Variants in INSR observed in about 807,000 individuals in gnomAD.
INSR encodes insulin receptor, also known as IR.
Under a neutral mutation model 142.6 loss-of-function variants are expected in INSR, and 67 were observed. That is an observed-to-expected ratio of 0.47 (90% CI 0.39 to 0.58). The LOEUF is 0.58. Ranked by LOEUF, INSR falls within the 20% of genes least tolerant of loss-of-function variation. The probability of loss-of-function intolerance (pLI) is 0.00; values close to 1 mark genes in which losing one functional copy is unlikely to be tolerated. For synonymous variants in INSR, 756 were observed against 743.1 expected (o/e 1.02, Z -0.28); for missense variants, 1,248 against 1,833.2 (o/e 0.68, Z 5.83).
In INSR at chr19:7,133,655, A is replaced by G. The variant is rs371484713; in HGVS notation, c.2683-1338T>C. ...GGTGGGCGGATCACCTGAGGTCAGG[A>G]GTTCGAGACCAGCCTGGTCAAGATG... On this transcript the variant is annotated intron_variant, in intron 13 of 21. Coordinates refer to ENST00000302850, the MANE Select transcript of INSR (RefSeq NM_000208.4). Among the ~76,000 whole-genome samples the G allele has an allele frequency of 2.6e-5, 4 of 152,306 alleles. No homozygotes were observed. The East Asian group carries it at 7.7e-4, about 29-fold the overall frequency.
chr19:7,249,801 G>T (rs376774128), intron 2 of INSR, among the ~76,000 whole-genome samples: 8 of 152,110 alleles, frequency 5.3e-5, no homozygotes, highest in African/African-American at 1.9e-4. Flanking sequence ...GACCATCCTG[G>T]CTAACAGGGT....
chr19:7,218,808 T>G (rs1004307137), intron 2 of INSR, among the ~76,000 whole-genome samples: 4 of 152,156 alleles, frequency 2.6e-5, no homozygotes, highest in Non-Finnish European at 4.4e-5. Flanking sequence ...CCTCCCAAAG[T>G]GCTGAGATTA....
At chr19:7,210,116 G>A (rs546840957) in intron 2 of INSR, among the ~76,000 whole-genome samples, 5 of 151,996 alleles carry the variant, frequency 3.3e-5, no homozygotes, top group Middle Eastern at 3.4e-3. Flanking sequence ...AGGCCGAGGC[G>A]GGTGGATCAC....
intron 1 of INSR, among the ~76,000 whole-genome samples, chr19:7,282,092 C>A (rs1177775017): frequency 2.0e-5 from 3 of 152,134 alleles, no homozygotes; most frequent in Non-Finnish European, 4.4e-5. Context: ...CGGCGGGGCA[C>A]GGTGGCTCAC....
At chr19:7,179,087 A>C (rs1267492839) in intron 3 of INSR, among the ~76,000 whole-genome samples, 3 of 152,002 alleles carry the variant, frequency 2.0e-5, no homozygotes, top group Non-Finnish European at 4.4e-5. Flanking sequence ...ATGTTTTTAA[A>C]TTTTTGTAGA....
At chr19:7,160,540 G>A (rs1015606528) in intron 9 of INSR, among the ~76,000 whole-genome samples, 6 of 152,034 alleles carry the variant, frequency 3.9e-5, no homozygotes, top group Non-Finnish European at 7.4e-5. Flanking sequence ...CGGGAAGATC[G>A]TTTGAGCCCA....
chr19:7,205,541 TAGG>T (rs1975084928), intron 2 of INSR, among the ~76,000 whole-genome samples: 1 of 152,042 alleles, frequency 6.6e-6, no homozygotes, highest in Non-Finnish European at 1.5e-5. Flanking sequence ...ATGGGGACAG[TAGG>T]AGGAGCGTGG....
chr19:7,199,545 GTGCCAC>G lies in INSR; in HGVS notation c.653-14914_653-14909del, dbSNP rs572775836. Among the ~76,000 whole-genome samples, 635 of 141,174 alleles carry G rather than the reference GTGCCAC, an allele frequency of 4.5e-3. 2 individuals are homozygous for G. The highest frequency in any genetic ancestry group is 0.015 in the African/African-American group (597 of 39,018). The allele number at this position is 141,174 out of a possible 152,430, so 92.6% of individuals were successfully genotyped here. A position where few individuals can be genotyped will look rare whatever the true frequency, so the allele number is the denominator to read the frequency against. On this transcript the variant is annotated intron_variant, in intron 2 of 21. Transcript: ENST00000302850. Reference sequence around the variant, plus strand: ...CCCAAGGAGCTAGGACTACAGGAGAGTGCCACTGCGACAGCTTTTTTTTTTTTTTTT... The same window carrying G: ...CCCAAGGAGCTAGGACTACAGGAGAGTGCGACAGCTTTTTTTTTTTTTTTT...
At chr19:7,132,004 G>A (rs1176356538) in intron 14 of INSR, among the ~76,000 whole-genome samples, 154 bp downstream of exon 14, 1 of 151,326 alleles carries the variant, frequency 6.6e-6, no homozygotes, top group African/African-American at 2.4e-5. Context: ...AAAAAGTGCA[G>A]GATCAAAGAG....
intron 2 of INSR, among the ~76,000 whole-genome samples, chr19:7,240,526 G>A (rs540532084): frequency 5.9e-5 from 9 of 152,274 alleles, no homozygotes; most frequent in East Asian, 3.9e-4. Flanking sequence ...CCAAGATTGC[G>A]CCATTGCACT....
chr19:7,277,754 A>G (rs943147006), intron 1 of INSR, among the ~76,000 whole-genome samples: 2 of 152,006 alleles, frequency 1.3e-5, no homozygotes, highest in Non-Finnish European at 2.9e-5. Flanking sequence ...CTATGACTGC[A>G]CCACTGCACT....
chr19:7,220,795 A>G (rs1002164079), intron 2 of INSR, among the ~76,000 whole-genome samples: 3 of 152,226 alleles, frequency 2.0e-5, no homozygotes, highest in Non-Finnish European at 4.4e-5. Context: ...TTTAAATTTT[A>G]CTGGTAACAT....
chr19:7,294,260 G>A lies in INSR; in HGVS notation c.-369C>T, dbSNP rs907803013. Among the ~76,000 whole-genome samples, 1 of 150,414 alleles carries A rather than the reference G, an allele frequency of 6.6e-6. No homozygotes were observed. Among genetic ancestry groups the A allele is most frequent in the Non-Finnish European group, 1.5e-5 (1 of 67,300 alleles). On this transcript the variant is annotated 5_prime_UTR_variant, in exon 1 of 22. Coordinates refer to ENST00000302850, the MANE Select transcript of INSR (RefSeq NM_000208.4). Reference sequence around the variant, plus strand: ...GCGATCTGCGGGCTCCGGGACAGAGGGACGCGCGGACCGACGGACTAGCTG... The same window carrying A: ...GCGATCTGCGGGCTCCGGGACAGAGAGACGCGCGGACCGACGGACTAGCTG...
intron 1 of INSR, among the ~76,000 whole-genome samples, chr19:7,289,701 C>T (rs1029887262): frequency 2.6e-5 from 4 of 152,168 alleles, no homozygotes; most frequent in East Asian, 1.9e-4. Context: ...CCACTGCACC[C>T]GGCCGAGGAT....
chr19:7,156,314 GC>G (rs1205977837), intron 9 of INSR, among the ~76,000 whole-genome samples: 1 of 151,922 alleles, frequency 6.6e-6, no homozygotes, highest in African/African-American at 2.4e-5. Context: ...GCCCACCTCG[GC>G]CTCCCAAAGT....
At chr19:7,220,438 G>A (rs867697128) in intron 2 of INSR, among the ~76,000 whole-genome samples, 19 of 152,264 alleles carry the variant, frequency 1.2e-4, no homozygotes, top group Middle Eastern at 3.4e-3. Context: ...CTACAGGCGC[G>A]CCACCACGCC....
chr19:7,186,700 C>CT (rs1035392388), intron 2 of INSR, among the ~76,000 whole-genome samples: 13 of 151,404 alleles, frequency 8.6e-5, no homozygotes, highest in South Asian at 6.3e-4. Flanking sequence ...TTTTTCTTTT[C>CT]TTTTTTTTTA....
In INSR at chr19:7,117,161, C is replaced by T. The variant is rs551853926; in HGVS notation, c.4044G>A (p.Ser1348=). Residue 1348 remains serine, a synonymous_variant, in exon 22 of 22, where the codon TCG becomes TCA. Transcript: ENST00000302850. Reference sequence around the variant, plus strand: ...CCTCGTAGCTCCGCTTGAAACCCAGCGAGGACCCTCCATCCCGGCCCCCCG... The same window carrying T: ...CCTCGTAGCTCCGCTTGAAACCCAGTGAGGACCCTCCATCCCGGCCCCCCG... ...EEAGGRDGGS[S]LGFKRSYEEH... is the part of the protein sequence containing the mutation. The T allele has an allele frequency of 1.2e-5, 19 of 1,613,968 alleles. No individual in the cohort carries two copies. Among genetic ancestry groups the T allele is most frequent in the Non-Finnish European group, 1.6e-5 (19 of 1,179,984 alleles).
chr19:7,267,719 AC>A lies in INSR; in HGVS notation c.277del (p.Val93SerfsTer7). 1 of 1,613,996 alleles carries A rather than the reference AC, an allele frequency of 6.2e-7. No homozygotes were observed. The highest frequency in any genetic ancestry group is 8.5e-7 in the Non-Finnish European group (1 of 1,180,000). ...GTCCTTCAGGCTCTCGAGCCCATAG[AC>A]CCGGAAGAGCAGCAAGTAATCAGTG... ...MITDYLLLFR[V>X]YGLESLKDLF... On this transcript the variant is annotated frameshift_variant, in exon 2 of 22. Coordinates refer to ENST00000302850, the MANE Select transcript of INSR (RefSeq NM_000208.4). LOFTEE classifies it high-confidence loss of function. This position sits in a 1 kb window ranked among gnomAD's most constrained non-coding sequence, Gnocchi z 6.3.
Sources: allele counts gnomAD v4.1 joint callset (sites outside exome capture counted in the v4.1 genomes callset), GRCh38; gene constraint gnomAD v4.1.1; non-coding constraint Gnocchi (gnomAD v3.1); transcripts MANE v1.5; gene names NCBI Gene and HGNC (gene_info 2026-07-23, HGNC 2026-07-21).